Variants in CNTN6 observed in about 807,000 individuals in gnomAD.
CNTN6 encodes contactin 6, also known as contactin-6.
Under a neutral mutation model 122.8 loss-of-function variants are expected in CNTN6, and 137 were observed. That is an observed-to-expected ratio of 1.12 (90% CI 0.97 to 1.29). CNTN6 has a LOEUF of 1.29. Ranked by LOEUF, CNTN6 falls within the 50% of genes most tolerant of loss-of-function variation. The pLI, the probability that CNTN6 is intolerant of heterozygous loss-of-function variation, is 0.00. For missense variants in CNTN6, 1,634 were observed against 1,223.4 expected (o/e 1.34, Z -5.01); for synonymous variants, 570 against 426.0 (o/e 1.34, Z -4.16).
At chr3:1,203,829 C>T (rs546978969) in intron 2 of CNTN6, among the ~76,000 whole-genome samples, 1 of 152,150 alleles carries the variant, frequency 6.6e-6, no homozygotes, top group South Asian at 2.1e-4. Flanking sequence ...CCGACTCCCC[C>T]CTATGAGATG....
At chr3:1,132,124 C>G (rs985032978) in intron 1 of CNTN6, among the ~76,000 whole-genome samples, 75 of 152,102 alleles carry the variant, frequency 4.9e-4, no homozygotes, top group African/African-American at 1.7e-3. Flanking sequence ...TGGGAATCGA[C>G]AAGCAGATTG....
intron 4 of CNTN6, among the ~76,000 whole-genome samples, chr3:1,236,412 C>T (rs2094422760): frequency 6.6e-6 from 1 of 152,134 alleles, no homozygotes; most frequent in South Asian, 2.1e-4. Flanking sequence ...CATTACAGGA[C>T]TCTGCAGACA....
intron 12 of CNTN6, among the ~76,000 whole-genome samples, chr3:1,364,516 AC>A (rs1167042650): frequency 5.3e-5 from 8 of 151,790 alleles, no homozygotes; most frequent in South Asian, 2.1e-4. Context: ...GAAAAAAAAA[AC>A]AAAACAAACA....
At chr3:1,245,295 C>CATATATATAT (rs71056326) in intron 4 of CNTN6, among the ~76,000 whole-genome samples, 4 of 3,790 alleles carry the variant, frequency 1.1e-3, no homozygotes, top group South Asian at 9.8e-3. Context: ...ATATATATAA[C>CATATATATAT]ATATATATAT....
chr3:1,153,268 G>A (rs1357801065), intron 2 of CNTN6, among the ~76,000 whole-genome samples: 1 of 152,190 alleles, frequency 6.6e-6, no homozygotes, highest in Non-Finnish European at 1.5e-5. Flanking sequence ...TGTATTGGCA[G>A]ACTAGAATCA....
At chr3:1,153,681 A>G (rs2092898989) in intron 2 of CNTN6, among the ~76,000 whole-genome samples, 1 of 152,204 alleles carries the variant, frequency 6.6e-6, no homozygotes, top group Non-Finnish European at 1.5e-5. Context: ...TGATTGCTTG[A>G]ATTTCACTCT....
chr3:1,363,384 A>G (rs944409556), intron 12 of CNTN6, among the ~76,000 whole-genome samples: 5 of 151,976 alleles, frequency 3.3e-5, no homozygotes, highest in Admixed American at 6.6e-5. Context: ...TCTACATAAC[A>G]ATAACTTTGT....
At chr3:1,350,785 T>G (rs1183290745) in intron 11 of CNTN6, among the ~76,000 whole-genome samples, 1 of 151,878 alleles carries the variant, frequency 6.6e-6, no homozygotes, top group East Asian at 1.9e-4. Context: ...TAGTTCAGGT[T>G]TCTGTGTTGC....
chr3:1,241,628 A>G (rs1476737159), intron 4 of CNTN6, among the ~76,000 whole-genome samples: 5 of 152,156 alleles, frequency 3.3e-5, no homozygotes, highest in Admixed American at 6.5e-5. Context: ...GGGGTTCAGC[A>G]TAATTACTTG....
At chr3:1,133,668 G>T (rs2125109277) in intron 1 of CNTN6, among the ~76,000 whole-genome samples, 1 of 152,268 alleles carries the variant, frequency 6.6e-6, no homozygotes, top group Middle Eastern at 3.4e-3. Context: ...CTACAGACAT[G>T]GGTAGACTGA....
chr3:1,321,309 G>A (rs560173100), intron 7 of CNTN6, among the ~76,000 whole-genome samples: 2 of 151,468 alleles, frequency 1.3e-5, no homozygotes, highest in Non-Finnish European at 3.0e-5. Flanking sequence ...CTTTTGTTTC[G>A]GTTATTGCAG....
chr3:1,388,999 A>G (rs1476440391), intron 20 of CNTN6, among the ~76,000 whole-genome samples: 2 of 145,294 alleles, frequency 1.4e-5, no homozygotes, highest in Non-Finnish European at 3.0e-5. Context: ...GCAGGATATT[A>G]TCCAGGAGAA....
chr3:1,193,546 G>A (rs1045317069), intron 2 of CNTN6, among the ~76,000 whole-genome samples: 1 of 152,006 alleles, frequency 6.6e-6, no homozygotes, highest in East Asian at 1.9e-4. Flanking sequence ...CACAATCAAT[G>A]GATGTTCCTG....
At chr3:1,242,337 A>G (rs1325990996) in intron 4 of CNTN6, among the ~76,000 whole-genome samples, 1 of 151,906 alleles carries the variant, frequency 6.6e-6, no homozygotes, top group Non-Finnish European at 1.5e-5. Flanking sequence ...GATTGAGGAC[A>G]AAAGAGTGTA....
At chr3:1,150,339 A>T (rs1361352147) in intron 2 of CNTN6, among the ~76,000 whole-genome samples, 2 of 152,180 alleles carry the variant, frequency 1.3e-5, no homozygotes, top group African/African-American at 4.8e-5. Flanking sequence ...ACAATTACTT[A>T]CTTTTTCCTT....
At chr3:1,243,028 G>T (rs2094508157) in intron 4 of CNTN6, among the ~76,000 whole-genome samples, 2 of 152,184 alleles carry the variant, frequency 1.3e-5, no homozygotes, top group South Asian at 4.1e-4. Context: ...CGGCGTCCGT[G>T]ATGGTCTACG....
chr3:1,194,646 A>G (rs1209403028), intron 2 of CNTN6, among the ~76,000 whole-genome samples: 1 of 152,054 alleles, frequency 6.6e-6, no homozygotes, highest in Non-Finnish European at 1.5e-5. Flanking sequence ...ACCACTGCCA[A>G]TGAAATTTTG....
intron 1 of CNTN6, among the ~76,000 whole-genome samples, chr3:1,136,087 A>G (rs1490417666): frequency 2.0e-5 from 3 of 152,162 alleles, no homozygotes; most frequent in Non-Finnish European, 2.9e-5. Flanking sequence ...CCACTTTTAT[A>G]AGACAGAGAA....
intron 20 of CNTN6, among the ~76,000 whole-genome samples, chr3:1,389,250 G>A (rs1693710514): frequency 6.6e-6 from 1 of 151,994 alleles, no homozygotes; most frequent in Admixed American, 6.6e-5. Context: ...GAGAGTGGGG[G>A]CCAATATTCA....
Sources: allele counts gnomAD v4.1 joint callset (sites outside exome capture counted in the v4.1 genomes callset), GRCh38; gene constraint gnomAD v4.1.1; transcripts MANE v1.5; gene names NCBI Gene and HGNC (gene_info 2026-07-23, HGNC 2026-07-21).